Variants in MED23 observed in about 807,000 individuals in gnomAD.
The protein encoded by MED23 is mediator complex subunit 23.
In MED23, 105 loss-of-function variants were observed where a neutral mutation model predicts 163.9. The observed-to-expected ratio is 0.64, with a 90% CI of 0.55 to 0.75. MED23 has a LOEUF of 0.75. Ranked by LOEUF, MED23 falls within the 30% of genes least tolerant of loss-of-function variation. MED23 has a pLI of 0.00. For synonymous variants in MED23, 561 were observed against 565.6 expected (o/e 0.99, Z 0.12); for missense variants, 1,054 against 1,649.0 (o/e 0.64, Z 6.25).
chr6:131,627,344 AAAG>A (rs374283224), intron 3 of MED23, 49 bp downstream of exon 3: 8 of 1,359,174 alleles, frequency 5.9e-6, no homozygotes, highest in East Asian at 2.3e-5. Flanking sequence ...AAAAAAAAAA[AAAG>A]AAGAGGCCAA....
chr6:131,615,879 T>C (rs1479278125), intron 10 of MED23, 28 bp downstream of exon 10: 4 of 1,508,582 alleles, frequency 2.7e-6, no homozygotes, highest in Admixed American at 1.7e-5. Flanking sequence ...TATGCAGAAT[T>C]TACTAGGTTT....
rs190230141 is a variant in MED23, at chr6:131,575,002, C to T, written c.4096-707G>A. On this transcript the variant is annotated intron_variant, in intron 30 of 30. Transcript: ENST00000354577. Reference sequence around the variant, plus strand: ...TCCAAAGGCGACCTTATACTTGTGGCCATTTAGGGATTGGGCCCAGCTTAG... The same window carrying T: ...TCCAAAGGCGACCTTATACTTGTGGTCATTTAGGGATTGGGCCCAGCTTAG... 7.8e-4 allele frequency among the ~76,000 whole-genome samples: 119 copies of T among 152,218 alleles called. 1 individual carries two copies. The highest frequency in any genetic ancestry group is 2.8e-3 in the African/African-American group (116 of 41,538).
In MED23 at chr6:131,597,703, G is replaced by A. The variant is rs138831313; in HGVS notation, c.2607+584C>T. 3.2e-3 allele frequency among the ~76,000 whole-genome samples: 493 copies of A among 152,144 alleles called. 13 individuals carry two copies. The highest frequency in any genetic ancestry group is 0.026 in the Admixed American group (393 of 15,280). On this transcript the variant is annotated intron_variant, in intron 20 of 28. Coordinates refer to ENST00000368068, the MANE Select transcript of MED23 (RefSeq NM_004830.4). The stretch of plus-strand genomic sequence containing the variant: ...TGCTCATATTTTCAAAGTATCACAA[G>A]GCTAGGACCACATCTATTTTATTTA...
chr6:131,612,704 C>G (rs916810622), intron 10 of MED23, among the ~76,000 whole-genome samples: 4 of 152,050 alleles, frequency 2.6e-5, no homozygotes, highest in African/African-American at 9.7e-5. Context: ...GTAGCCCAAA[C>G]TATACTGAAA....
chr6:131,585,484 AG>A (rs1774144755), downstream of MED23, among the ~76,000 whole-genome samples: 1 of 152,200 alleles, frequency 6.6e-6, no homozygotes, highest in Admixed American at 6.5e-5. Flanking sequence ...TTTAGATGGG[AG>A]CAATTATAAT....
At chr6:131,613,537 T>C (rs1276359079) in intron 10 of MED23, among the ~76,000 whole-genome samples, 2 of 152,188 alleles carry the variant, frequency 1.3e-5, no homozygotes, top group Non-Finnish European at 2.9e-5. Context: ...TTGGTTATCT[T>C]TAATCATATG....
At chr6:131,612,320 T>C (rs978218376) in intron 10 of MED23, among the ~76,000 whole-genome samples, 2 of 151,734 alleles carry the variant, frequency 1.3e-5, no homozygotes, top group African/African-American at 4.8e-5. Flanking sequence ...TACAAAATGA[T>C]CTGTGTTGCT....
intron 15 of MED23, among the ~76,000 whole-genome samples, 176 bp downstream of exon 15, chr6:131,604,002 T>C (rs1775677546): frequency 6.6e-6 from 1 of 152,220 alleles, no homozygotes; most frequent in Non-Finnish European, 1.5e-5. Flanking sequence ...TTGCTTTATT[T>C]TTCTCTATAA....
chr6:131,604,737 G>C (rs1445040437), intron 14 of MED23, among the ~76,000 whole-genome samples: 1 of 152,192 alleles, frequency 6.6e-6, no homozygotes, highest in African/African-American at 2.4e-5. Flanking sequence ...ATATATGCAA[G>C]TGAAGCACAT....
chr6:131,609,671 T>TTG lies in MED23; in HGVS notation c.1077+373_1077+374dup, dbSNP rs544827405. On this transcript the variant is annotated intron_variant, in intron 11 of 28. Coordinates refer to ENST00000368068, the MANE Select transcript of MED23 (RefSeq NM_004830.4). ...TAACAACTATTAAGATATAATCATG[T>TTG]TGTGTGTGTGTGTATGTATATACAT... 1.4e-3 allele frequency among the ~76,000 whole-genome samples: 210 copies of TTG among 146,940 alleles called. 1 individual carries two copies. Among genetic ancestry groups the TTG allele is most frequent in the African/African-American group, 5.1e-3 (202 of 39,760 alleles).
At position 131,587,642 on chromosome 6, in the gene MED23, G is replaced by A. The variant is rs757741080; in HGVS notation, c.*37C>T. 8 of 1,613,472 alleles carry A rather than the reference G, an allele frequency of 5.0e-6. No homozygotes were observed. The highest frequency in any genetic ancestry group is 2.2e-5 in the East Asian group (1 of 44,846). ...AAGGTTTGAGTCCACTCTCAAAGAC[G>A]GATATATTTCTACTTTCTCCACAGT... On this transcript the variant is annotated 3_prime_UTR_variant, in exon 29 of 29. Transcript: ENST00000368068.
In MED23 at chr6:131,604,282, G is replaced by A; in HGVS notation, c.1652C>T (p.Ala551Val). 1 of 1,613,826 alleles carries A rather than the reference G, an allele frequency of 6.2e-7. No individual in the cohort carries two copies. Residue 551 changes from alanine (A) to valine (V), a missense_variant, in exon 15 of 29, where the codon GCT (alanine) becomes GTT (valine). Ala to Val is a moderately conservative substitution (Grantham distance 64). Around this residue, in one of 11 missense-constraint regions of MED23, gnomAD observed 54 missense variants for 89.8 expected, o/e 0.60. Transcript: ENST00000368068. Reference sequence around the variant, plus strand: ...CAAGGCCACACTGGACTTTGCATGAGCAAGTTTTATCACCCTGGTTGCAAT... The same window carrying A: ...CAAGGCCACACTGGACTTTGCATGAACAAGTTTTATCACCCTGGTTGCAAT... ...HSIATRVIKLAHAKSSVALAP... is the reference protein window; with the variant it reads ...HSIATRVIKLVHAKSSVALAP...
At position 131,600,058 on chromosome 6, in the gene MED23, A is replaced by T. The variant is rs112638111; in HGVS notation, c.2200T>A (p.Cys734Ser). 1 of 1,614,132 alleles carries T rather than the reference A, an allele frequency of 6.2e-7. No individual in the cohort carries two copies. Among genetic ancestry groups the T allele is most frequent in the Admixed American group, 1.7e-5 (1 of 60,030 alleles). Residue 734 changes from cysteine (C) to serine (S), a missense_variant, in exon 18 of 29, where the codon TGT becomes AGT. Cys to Ser is a moderately radical substitution (Grantham distance 112). This residue lies in a region of MED23 where 228 missense variants were observed against 461.3 expected (regional missense o/e 0.49). Transcript: ENST00000368068. ...ATTACCTGTAGTGGGCCTGGAAAAC[A>T]GCTCAGGGTGTGTGAAGCCCAATTA... The part of the protein sequence containing the change: ...PHNWASHTLS[C>S]FPGPLQAFFK...
Position 131,608,384 on chromosome 6 carries a change from C to T in MED23, c.1078-313G>A, listed in dbSNP as rs551720467. 2.0e-3 allele frequency among the ~76,000 whole-genome samples: 306 copies of T among 152,174 alleles called. 1 individual carries two copies. Among genetic ancestry groups the T allele is most frequent in the African/African-American group, 7.2e-3 (299 of 41,524 alleles). On this transcript the variant is annotated intron_variant, in intron 11 of 28. Transcript: ENST00000368068. ...CACAACACCACCTCTTTAAGTTGAT[C>T]ATGTGTGCATGAGAATCAAGTTTAA...
chr6:131,600,475 G>C (rs1390750658), intron 17 of MED23, among the ~76,000 whole-genome samples: 2 of 152,254 alleles, frequency 1.3e-5, no homozygotes, highest in East Asian at 3.9e-4. Flanking sequence ...CTTTGACACT[G>C]ATTTAGTAGT....
At chr6:131,618,285 CTA>C in intron 9 of MED23, 120 bp downstream of exon 9, 10 of 754,346 alleles carry the variant, frequency 1.3e-5, no homozygotes, top group Non-Finnish European at 2.3e-5. Context: ...AAACTATAAA[CTA>C]TCTTTCATTA....
chr6:131,573,992 G>A, exon 31 of MED23: 1 of 456,760 alleles, frequency 2.2e-6, no homozygotes, highest in South Asian at 2.8e-5. Flanking sequence ...GATTTTAATG[G>A]ATTTATGAAA....
intron 1 of MED23, among the ~76,000 whole-genome samples, 163 bp downstream of exon 1, chr6:131,627,848 T>G (rs531199963): frequency 6.6e-6 from 1 of 152,032 alleles, no homozygotes; most frequent in Non-Finnish European, 1.5e-5. Context: ...TTGACAGCAG[T>G]TTGAGAATCA....
rs1185474066 is a variant in MED23, at chr6:131,598,564, A to C, written c.2418T>G (p.Ile806Met). ...MLLETDHINQ[I>M]GYRVLERIGA... is the part of the protein sequence containing the mutation. ...TTAGGTTTTTGACTTACCTATAGCCAATCTGATTAATATGATCTGTTTCCA... is the reference window on the plus strand; with the variant it reads ...TTAGGTTTTTGACTTACCTATAGCCCATCTGATTAATATGATCTGTTTCCA... Residue 806 changes from isoleucine to methionine, a missense_variant, in exon 19 of 29, where the codon ATT (isoleucine) becomes ATG (methionine). Ile to Met is a conservative substitution (Grantham distance 10). Coordinates refer to ENST00000368068, the MANE Select transcript of MED23 (RefSeq NM_004830.4). The surrounding 1 kb of genome is among the most constrained non-coding windows in gnomAD (Gnocchi z 4.7). 3 of 1,614,130 alleles carry C rather than the reference A, an allele frequency of 1.9e-6. No individual in the cohort carries two copies. The highest frequency in any genetic ancestry group is 1.3e-5 in the African/African-American group (1 of 75,062).
Sources: allele counts gnomAD v4.1 joint callset (sites outside exome capture counted in the v4.1 genomes callset), GRCh38; gene constraint gnomAD v4.1.1; regional missense constraint gnomAD v4.1.1; non-coding constraint Gnocchi (gnomAD v3.1); transcripts MANE v1.5; gene names NCBI Gene and HGNC (gene_info 2026-07-23, HGNC 2026-07-21).